Variants in ZNF423 observed in about 807,000 individuals in gnomAD.
ZNF423 encodes zinc finger protein 423, also known as Ebf-associated zinc finger protein.
Under a neutral mutation model 95.8 loss-of-function variants are expected in ZNF423, and 12 were observed. The observed-to-expected ratio is 0.13, with a 90% CI of 0.08 to 0.20. The LOEUF is 0.20. Ranked by LOEUF, ZNF423 falls within the 10% of genes least tolerant of loss-of-function variation. The pLI is 1.00. For missense variants in ZNF423, 1,316 were observed against 1,737.1 expected, an observed-to-expected ratio of 0.76 and a Z score of 4.31; for synonymous variants, 749 against 711.9, an observed-to-expected ratio of 1.05 and a Z score of -0.83.
intron 4 of ZNF423, among the ~76,000 whole-genome samples, chr16:49,632,938 AC>A (rs1281419800): frequency 1.3e-5 from 2 of 152,292 alleles, no homozygotes; most frequent in Non-Finnish European, 2.9e-5. Context: ...GTTGAGGGGC[AC>A]CCAGGAGAAG....
At chr16:49,582,480 A>AT (rs1970704190) in intron 5 of ZNF423, among the ~76,000 whole-genome samples, 1 of 152,226 alleles carries the variant, frequency 6.6e-6, no homozygotes, top group African/African-American at 2.4e-5. Context: ...TGCATACTCT[A>AT]TTTTTTAATG....
intron 3 of ZNF423, among the ~76,000 whole-genome samples, chr16:49,729,215 A>T (rs182277285): frequency 2.0e-5 from 3 of 152,384 alleles, no homozygotes; most frequent in Admixed American, 1.3e-4. Flanking sequence ...TAGAAAATAA[A>T]GAGAATAACT....
At chr16:49,712,374 A>G (rs977197927) in intron 3 of ZNF423, among the ~76,000 whole-genome samples, 10 of 152,158 alleles carry the variant, frequency 6.6e-5, no homozygotes, top group Non-Finnish European at 2.9e-5. Context: ...GCTCTTAGGA[A>G]TGTCCAGAGG....
At chr16:49,525,156 A>G (rs1197009294) in intron 6 of ZNF423, among the ~76,000 whole-genome samples, 1 of 152,140 alleles carries the variant, frequency 6.6e-6, no homozygotes, top group Non-Finnish European at 1.5e-5. Context: ...GAGGCCAGAG[A>G]GCACTGAAGG....
chr16:49,610,593 C>T (rs1289689860), intron 5 of ZNF423, among the ~76,000 whole-genome samples: 2 of 151,836 alleles, frequency 1.3e-5, no homozygotes, highest in Non-Finnish European at 2.9e-5. Context: ...TCAAGTAAGT[C>T]ACAGAAAGGA....
chr16:49,630,437 T>G (rs530385162), intron 4 of ZNF423, among the ~76,000 whole-genome samples: 1 of 152,208 alleles, frequency 6.6e-6, no homozygotes, highest in East Asian at 1.9e-4. Flanking sequence ...AATTAATGAA[T>G]GAAGCACATC....
At chr16:49,684,432 T>A (rs2031485433) in intron 3 of ZNF423, among the ~76,000 whole-genome samples, 1 of 152,216 alleles carries the variant, frequency 6.6e-6, no homozygotes, top group Non-Finnish European at 1.5e-5. Flanking sequence ...ATCTTGAGGA[T>A]GTCCATGCCA....
intron 3 of ZNF423, among the ~76,000 whole-genome samples, chr16:49,699,124 T>G (rs2032080742): frequency 6.6e-6 from 1 of 152,226 alleles, no homozygotes; most frequent in Non-Finnish European, 1.5e-5. Context: ...CGACAGGCAC[T>G]TAGCTAGTCA....
Position 49,656,414 on chromosome 16 carries a change from G to A in ZNF423, c.302-17540C>T, listed in dbSNP as rs1026488015. On this transcript the variant is annotated intron_variant, in intron 3 of 7. Transcript: ENST00000563137. ...TAACCCCAATTACTCGGGAGGCTAA[G>A]GCAAGAGGATTGCTTGAACCCAGGG... 2.0e-5 allele frequency among the ~76,000 whole-genome samples: 3 copies of A among 152,174 alleles called. No individual in the cohort carries two copies. In the East Asian group the frequency reaches 5.8e-4, roughly 29 times the overall value.
intron 2 of ZNF423, among the ~76,000 whole-genome samples, chr16:49,785,078 G>GTTA (rs2034288770): frequency 1.3e-5 from 2 of 151,918 alleles, no homozygotes; most frequent in African/African-American, 4.8e-5. Flanking sequence ...TATTTAGTTA[G>GTTA]TTATTTCAGA....
intron 1 of ZNF423, among the ~76,000 whole-genome samples, chr16:49,799,452 A>G (rs931709114): frequency 6.9e-6 from 1 of 145,018 alleles, no homozygotes; most frequent in Non-Finnish European, 1.5e-5. Flanking sequence ...CTAGAGCCAC[A>G]GATGCCTCAG....
At chr16:49,609,078 T>C (rs1971632903) in intron 5 of ZNF423, among the ~76,000 whole-genome samples, 1 of 152,102 alleles carries the variant, frequency 6.6e-6, no homozygotes, top group African/African-American at 2.4e-5. Flanking sequence ...CCCATCCTCC[T>C]GGTATAGTGG....
chr16:49,688,954 C>T (rs2031673136), intron 3 of ZNF423, among the ~76,000 whole-genome samples: 1 of 152,214 alleles, frequency 6.6e-6, no homozygotes, highest in Admixed American at 6.5e-5. Context: ...GAGCCTAGAG[C>T]TGGACCAGGA....
chr16:49,815,912 ATATTTTTTTTT>A (rs1161846772), intron 1 of ZNF423, among the ~76,000 whole-genome samples: 5 of 36,744 alleles, frequency 1.4e-4, no homozygotes, highest in African/African-American at 5.9e-4. Context: ...ATATATATAT[ATATTTTTTTTT>A]TTTTTTTTTT....
intron 3 of ZNF423, chr16:49,730,433 C>T: frequency 2.9e-6 from 1 of 340,008 alleles, no homozygotes; most frequent in East Asian, 7.0e-5. Flanking sequence ...CTTAACTTTG[C>T]ACTAACAACC....
At chr16:49,672,508 C>T (rs113694772) in intron 3 of ZNF423, among the ~76,000 whole-genome samples, 5 of 152,008 alleles carry the variant, frequency 3.3e-5, no homozygotes, top group Admixed American at 1.3e-4. Context: ...GACCAAAGTA[C>T]GGAGCTGCAG....
intron 5 of ZNF423, among the ~76,000 whole-genome samples, chr16:49,547,302 C>T (rs1284585442): frequency 2.6e-5 from 4 of 152,132 alleles, no homozygotes; most frequent in Non-Finnish European, 5.9e-5. Flanking sequence ...TCACGGCTCT[C>T]TGGCCAGAAT....
chr16:49,772,161 G>A (rs1380212596), intron 2 of ZNF423, among the ~76,000 whole-genome samples: 1 of 152,214 alleles, frequency 6.6e-6, no homozygotes, highest in East Asian at 1.9e-4. Flanking sequence ...AGCTAATGTT[G>A]TCAGTCCCAG....
chr16:49,691,447 C>A (rs1433250812), intron 3 of ZNF423, among the ~76,000 whole-genome samples: 2 of 152,202 alleles, frequency 1.3e-5, no homozygotes, highest in Non-Finnish European at 2.9e-5. Flanking sequence ...AACAGAGGAT[C>A]CTCGGCCGGG....
Sources: gnomAD v4.1 joint callset for allele counts (sites outside exome capture counted in the v4.1 genomes callset) on GRCh38, gnomAD v4.1.1 for gene constraint, MANE v1.5 for transcripts, NCBI Gene and HGNC (gene_info 2026-07-23, HGNC 2026-07-21) for gene names.